The following ZAR1L variants were observed in gnomAD, a reference collection of about 807,000 sequenced individuals.
ZAR1L encodes zygote arrest 1 like.
In ZAR1L, 16 loss-of-function variants were observed where a neutral mutation model predicts 30.0. The observed-to-expected ratio is 0.53, with a 90% CI of 0.36 to 0.81. The LOEUF (loss-of-function observed/expected upper bound fraction) is 0.81. Among genes scored for constraint, ZAR1L ranks in the 30% least tolerant of loss-of-function variants. The pLI is 0.00. For missense variants in ZAR1L, 392 were observed against 417.2 expected, an observed-to-expected ratio of 0.94 and a Z score of 0.53; for synonymous variants, 197 against 166.8, an observed-to-expected ratio of 1.18 and a Z score of -1.40.
chr13:32,311,579 G>A lies in ZAR1L; in HGVS notation c.347C>T (p.Ser116Phe), dbSNP rs888572903. Residue 116 changes from serine to phenylalanine, a missense_variant, in exon 3 of 6, where the codon TCC becomes TTC. Ser to Phe is a radical substitution (Grantham distance 155). Transcript: ENST00000533490. ...CTGGGGGTCTCTGCCGTCCCAGGGG[G>A]AGCAGCTGCTGAGGGTGCGAGGCCC... ...SLGPRTLSSCSPWDGRDPQEP... is the reference protein window; with the variant it reads ...SLGPRTLSSCFPWDGRDPQEP... The A allele has an allele frequency of 3.9e-6, 6 of 1,540,822 alleles. No individual in the cohort carries two copies. The highest frequency in any genetic ancestry group is 2.5e-5 in the East Asian group (1 of 40,768).
At chr13:32,307,009 A>C (rs2072181042) in intron 5 of ZAR1L, among the ~76,000 whole-genome samples, 1 of 151,920 alleles carries the variant, frequency 6.6e-6, no homozygotes, top group Admixed American at 6.6e-5. Context: ...GGAAAATATT[A>C]AAGTTCAAGT....
intron 5 of ZAR1L, among the ~76,000 whole-genome samples, chr13:32,304,612 TTTC>T (rs1021637306): frequency 1.3e-5 from 2 of 152,164 alleles, no homozygotes; most frequent in Non-Finnish European, 2.9e-5. Flanking sequence ...AAATGTTTCT[TTTC>T]TTCTTCTTTT....
chr13:32,313,853 T>C (rs1364385599), intron 2 of ZAR1L, among the ~76,000 whole-genome samples: 1 of 151,962 alleles, frequency 6.6e-6, no homozygotes, highest in Non-Finnish European at 1.5e-5. Context: ...TGACAGAAAA[T>C]GTTATTTCTG....
chr13:32,314,710 T>TG (rs768013835), intron 1 of ZAR1L, among the ~76,000 whole-genome samples, 160 bp from the exon 2 acceptor site: 82 of 151,740 alleles, frequency 5.4e-4, no homozygotes, highest in Non-Finnish European at 1.0e-3. Context: ...AAGTTAGCCG[T>TG]GCGTGGTGGC....
Position 32,304,804 on chromosome 13 carries a change from T to C in ZAR1L, c.823-782A>G, listed in dbSNP as rs186252357. ...CATAGCCACATGGAATAAGTCAAGA[T>C]TTACCTTTTTTTTTTTTTTTTTGAA... On this transcript the variant is annotated intron_variant, in intron 5 of 5. Transcript: ENST00000533490. 8.2e-5 allele frequency among the ~76,000 whole-genome samples: 12 copies of C among 146,128 alleles called. No homozygotes were observed. In the East Asian group the frequency reaches 2.2e-3, roughly 26 times the overall value.
At chr13:32,304,652 T>G (rs185939755) in intron 5 of ZAR1L, among the ~76,000 whole-genome samples, 1 of 152,314 alleles carries the variant, frequency 6.6e-6, no homozygotes, top group East Asian at 1.9e-4. Flanking sequence ...TACTAGGATC[T>G]AAAATAGTTT....
At chr13:32,304,155 A>G in intron 5 of ZAR1L, 133 bp from the exon 6 acceptor site, 1 of 861,622 alleles carries the variant, frequency 1.2e-6, no homozygotes, top group Non-Finnish European at 1.7e-6. Flanking sequence ...CGAGAAGGCC[A>G]AGACCAAGTT....
chr13:32,311,740 A>G lies in ZAR1L; in HGVS notation c.186T>C (p.Pro62=). The change falls in exon 3 of 6, where the codon CCT becomes CCC. Residue 62 remains proline, a synonymous_variant. Coordinates refer to ENST00000533490, the MANE Select transcript of ZAR1L (RefSeq NM_001136571.2). ...PANAPDYCID[P]YKRAQLKAIL... ...TGGCCTTAAGCTGCGCCCTCTTGTA[A>G]GGGTCAATGCAGTAGTCAGGGGCGT... 1.9e-6 allele frequency: 3 copies of G among 1,551,736 alleles called. No homozygotes were observed. Among genetic ancestry groups the G allele is most frequent in the Non-Finnish European group, 2.6e-6 (3 of 1,147,008 alleles).
At chr13:32,308,915 G>C (rs206103) in intron 4 of ZAR1L, among the ~76,000 whole-genome samples, 155 bp from the exon 5 acceptor site, 7 of 151,568 alleles carry the variant, frequency 4.6e-5, no homozygotes, top group Admixed American at 4.6e-4. Flanking sequence ...TCTACCCTTG[G>C]GGTTTCAAGG....
At chr13:32,313,455 C>T (rs576756484) in intron 2 of ZAR1L, among the ~76,000 whole-genome samples, 46 of 152,360 alleles carry the variant, frequency 3.0e-4, no homozygotes, top group African/African-American at 9.6e-4. Context: ...CAACTTCCGC[C>T]TCTGGGGTTC....
Position 32,308,687 on chromosome 13 carries a change from T to C in ZAR1L, c.821A>G (p.Gln274Arg). 1 of 1,549,984 alleles carries C rather than the reference T, an allele frequency of 6.5e-7. No individual in the cohort carries two copies. Among genetic ancestry groups the C allele is most frequent in the African/African-American group, 1.4e-5 (1 of 73,148 alleles). ...NPYRVEAIQCQTCSKSHCSCP... is the reference protein window; with the variant it reads ...NPYRVEAIQCRTCSKSHCSCP... ...AATGGAAGTGTTCCATATGCTCACC[T>C]GACATTGGATTGCTTCTACTCGATA... The change falls in exon 5 of 6, where the codon CAG (glutamine) becomes CGG (arginine). Residue 274 changes from glutamine (Q) to arginine (R), a missense_variant and splice_region_variant. Physicochemically the swap from Gln to Arg is conservative, Grantham distance 43. Coordinates refer to ENST00000533490, the MANE Select transcript of ZAR1L (RefSeq NM_001136571.2).
At chr13:32,306,476 T>C (rs893281214) in intron 5 of ZAR1L, among the ~76,000 whole-genome samples, 5 of 151,938 alleles carry the variant, frequency 3.3e-5, no homozygotes, top group African/African-American at 1.2e-4. Context: ...CAGAGAGAAG[T>C]AAGCAGATTT....
At chr13:32,309,002 T>C (rs2072194922) in intron 4 of ZAR1L, among the ~76,000 whole-genome samples, 1 of 151,902 alleles carries the variant, frequency 6.6e-6, no homozygotes, top group African/African-American at 2.4e-5. Flanking sequence ...ATTTTTTTTT[T>C]TTTTTGAGAT....
In ZAR1L at chr13:32,311,348, G is replaced by A. The variant is rs1030646054; in HGVS notation, c.578C>T (p.Pro193Leu). ...CTTGCTCTTCGTCTCCTGAGGGCAC[G>A]GGGCGTCTTTCTCCCCCGATTCCTC... Reference protein sequence around the residue: ...QLEESGEKDAPCPQETKSKQV... With the variant: ...QLEESGEKDALCPQETKSKQV... Residue 193 changes from proline to leucine, a missense_variant, in exon 3 of 6, where the codon CCG becomes CTG. By Grantham distance (98) the Pro-to-Leu change is moderately conservative. Coordinates refer to ENST00000533490, the MANE Select transcript of ZAR1L (RefSeq NM_001136571.2). 8 of 1,550,814 alleles carry A rather than the reference G, an allele frequency of 5.2e-6. No individual in the cohort carries two copies. The African/African-American group carries it at 8.2e-5, about 16-fold the overall frequency.
Position 32,303,845 on chromosome 13 carries a change from G to A in ZAR1L, c.*34C>T. On this transcript the variant is annotated 3_prime_UTR_variant, in exon 6 of 6. Transcript: ENST00000533490. The stretch of plus-strand genomic sequence containing the variant: ...GACAGCACAGTAAGTTACAAGAAGA[G>A]CTCAGGGGTCCATTACAAGTCACAC... 1 of 1,543,758 alleles carries A rather than the reference G, an allele frequency of 6.5e-7. No homozygotes were observed. The highest frequency in any genetic ancestry group is 8.8e-7 in the Non-Finnish European group (1 of 1,142,372).
At position 32,312,226 on chromosome 13, in the gene ZAR1L, A is replaced by G. The variant is rs567133742; in HGVS notation, c.-168-133T>C. 127 of 356,434 alleles carry G rather than the reference A, an allele frequency of 3.6e-4. 1 individual carries two copies. In the South Asian group the frequency reaches 5.1e-3, roughly 14 times the overall value. 22.1% of individuals were successfully genotyped at this position (356,434 alleles called of 1,614,324 possible). The stretch of plus-strand genomic sequence containing the variant: ...TGTTTTTCATTTCCAGCTTATTCAC[A>G]CATATGCTTTAATTAGTGATTAATT... On this transcript the variant is annotated intron_variant, in intron 2 of 5. Transcript: ENST00000533490.
In ZAR1L at chr13:32,310,852, A is replaced by G; in HGVS notation, c.655-121T>C. The G allele has an allele frequency of 7.2e-6, 5 of 692,640 alleles. No individual in the cohort carries two copies. In the South Asian group the frequency reaches 8.2e-5, roughly 11 times the overall value. The allele number at this position is 692,640 out of a possible 1,614,324, so 42.9% of individuals were successfully genotyped here. On this transcript the variant is annotated intron_variant, in intron 3 of 5. Coordinates refer to ENST00000533490, the MANE Select transcript of ZAR1L (RefSeq NM_001136571.2). ...TTTAACCTCACTTGTATCTATTCTCAAGACTACGGCATTGATTCAGTTTCT... is the reference window on the plus strand; with the variant it reads ...TTTAACCTCACTTGTATCTATTCTCGAGACTACGGCATTGATTCAGTTTCT...
At chr13:32,306,111 A>G (rs2072172704) in intron 5 of ZAR1L, among the ~76,000 whole-genome samples, 1 of 152,264 alleles carries the variant, frequency 6.6e-6, no homozygotes, top group South Asian at 2.1e-4. Context: ...AATAAAATCA[A>G]TAGTTCAATG....
rs983031599 is a variant in ZAR1L, at chr13:32,311,761, G to A, written c.165C>T (p.Ala55=). The A allele has an allele frequency of 4.5e-6, 7 of 1,551,682 alleles. No homozygotes were observed. In the Admixed American group the frequency reaches 1.2e-4, roughly 26 times the overall value. Reference sequence around the variant, plus strand: ...TGTAAGGGTCAATGCAGTAGTCAGGGGCGTTCGCGGGCACCAGCAGCCCTG... The same window carrying A: ...TGTAAGGGTCAATGCAGTAGTCAGGAGCGTTCGCGGGCACCAGCAGCCCTG... ...ARPGLLVPAN[A]PDYCIDPYKR... Residue 55 remains alanine (A), a synonymous_variant, in exon 3 of 6, where the codon GCC becomes GCT. Transcript: ENST00000533490.
Sources: gnomAD v4.1 joint callset for allele counts (sites outside exome capture counted in the v4.1 genomes callset) on GRCh38, gnomAD v4.1.1 for gene constraint, MANE v1.5 for transcripts, NCBI Gene and HGNC (gene_info 2026-07-23, HGNC 2026-07-21) for gene names.